Variants in SOX30 observed in about 807,000 individuals in gnomAD.
The protein encoded by SOX30 is transcription factor SOX-30.
SOX30 carries 17 observed loss-of-function variants against 58.6 expected under a neutral mutation model. The observed-to-expected ratio is 0.29, with a 90% CI of 0.20 to 0.44. The LOEUF is 0.44. Among genes scored for constraint, SOX30 ranks in the 20% least tolerant of loss-of-function variants. The pLI is 1.00. For synonymous variants in SOX30, 421 were observed against 400.2 expected, an observed-to-expected ratio of 1.05 and a Z score of -0.62; for missense variants, 951 against 965.8, an observed-to-expected ratio of 0.98 and a Z score of 0.20.
intron 4 of SOX30, among the ~76,000 whole-genome samples, chr5:157,633,216 GT>G (rs925378029): frequency 6.6e-6 from 1 of 152,090 alleles, no homozygotes; most frequent in African/African-American, 2.4e-5. Context: ...CAAGTTTAGG[GT>G]TTTTTCTGTT....
chr5:157,645,402 A>C (rs1187202319), intron 3 of SOX30, among the ~76,000 whole-genome samples: 1 of 152,180 alleles, frequency 6.6e-6, no homozygotes, highest in Non-Finnish European at 1.5e-5. Flanking sequence ...GGTGGTTCAC[A>C]CTTATAATCC....
At chr5:157,665,622 A>T (rs540058102) in intron 2 of SOX30, among the ~76,000 whole-genome samples, 84 of 148,152 alleles carry the variant, frequency 5.7e-4, no homozygotes, top group African/African-American at 1.8e-3. Flanking sequence ...AAATAAAATA[A>T]ATATATATTT....
At chr5:157,669,645 T>A (rs1759739097) in intron 1 of SOX30, among the ~76,000 whole-genome samples, 1 of 152,034 alleles carries the variant, frequency 6.6e-6, no homozygotes, top group Non-Finnish European at 1.5e-5. Flanking sequence ...GCCTCCCTAG[T>A]GGCTGGCATT....
intron 4 of SOX30, among the ~76,000 whole-genome samples, chr5:157,629,496 G>T (rs1443318805): frequency 1.3e-5 from 2 of 152,176 alleles, no homozygotes; most frequent in African/African-American, 4.8e-5. Context: ...GTGTGGTAAA[G>T]ACGAGTTCGT....
exon 1 of SOX30, chr5:157,671,420 G>T (rs993675141): frequency 4.7e-5 from 27 of 579,342 alleles, no homozygotes; most frequent in African/African-American, 2.1e-4. Context: ...TACCGCGTCC[G>T]TGGCCGCCGG....
At chr5:157,668,570 G>GTCCA (rs988314625) in intron 1 of SOX30, among the ~76,000 whole-genome samples, 41 of 151,212 alleles carry the variant, frequency 2.7e-4, no homozygotes, top group African/African-American at 6.3e-4. Context: ...TCATCCATCC[G>GTCCA]TCCATCCATC....
chr5:157,630,565 C>T (rs568704072), intron 4 of SOX30, among the ~76,000 whole-genome samples: 88 of 151,938 alleles, frequency 5.8e-4, no homozygotes, highest in East Asian at 1.4e-3. Context: ...ATTAGCTTAG[C>T]GGTCAGAAAT....
upstream of SOX30, among the ~76,000 whole-genome samples, chr5:157,655,446 G>A (rs1561588467): frequency 6.6e-6 from 1 of 152,168 alleles, no homozygotes; most frequent in Admixed American, 6.5e-5. Flanking sequence ...AGTCCCCTTT[G>A]GCTAAGAACA....
chr5:157,660,026 T>C (rs765943684), intron 2 of SOX30, among the ~76,000 whole-genome samples: 2 of 152,238 alleles, frequency 1.3e-5, no homozygotes, highest in Non-Finnish European at 2.9e-5. Context: ...TCTATGTTAA[T>C]GCTGGTCAGC....
chr5:157,629,574 CAAA>C (rs1758739872), intron 4 of SOX30, among the ~76,000 whole-genome samples: 1 of 151,896 alleles, frequency 6.6e-6, no homozygotes, highest in African/African-American at 2.4e-5. Context: ...TGAGTGAAAG[CAAA>C]AAACTATAAA....
chr5:157,663,708 T>A (rs1251065872), intron 2 of SOX30, among the ~76,000 whole-genome samples: 1 of 152,140 alleles, frequency 6.6e-6, no homozygotes, highest in East Asian at 1.9e-4. Flanking sequence ...AAAACCCCAT[T>A]GTCTCAGCCC....
chr5:157,652,987 TC>T (rs1237099976), upstream of SOX30, among the ~76,000 whole-genome samples: 1 of 152,164 alleles, frequency 6.6e-6, no homozygotes, highest in Non-Finnish European at 1.5e-5. Flanking sequence ...GCCTTAAAAA[TC>T]CCCCAGTGGC....
intron 4 of SOX30, among the ~76,000 whole-genome samples, chr5:157,632,054 A>T (rs1182337122): frequency 8.4e-6 from 1 of 119,760 alleles, no homozygotes; most frequent in Non-Finnish European, 1.8e-5. Context: ...AACTAAAAAA[A>T]AAAAAAAAAA....
chr5:157,668,633 C>G (rs1387395056), intron 1 of SOX30, among the ~76,000 whole-genome samples: 1 of 152,182 alleles, frequency 6.6e-6, no homozygotes, highest in African/African-American at 2.4e-5. Context: ...ACAATCAGAA[C>G]ATAAAGGTGG....
At chr5:157,641,912 G>A (rs1002401148) in intron 3 of SOX30, among the ~76,000 whole-genome samples, 4 of 152,118 alleles carry the variant, frequency 2.6e-5, no homozygotes, top group Admixed American at 1.3e-4. Flanking sequence ...GCCAGATTTC[G>A]AATATATTTA....
Position 157,646,811 on chromosome 5 carries a change from C to T in SOX30, c.1213G>A (p.Val405Ile), listed in dbSNP as rs761305589. 1 of 1,612,956 alleles carries T rather than the reference C, an allele frequency of 6.2e-7. No homozygotes were observed. Among genetic ancestry groups the T allele is most frequent in the Admixed American group, 1.7e-5 (1 of 59,966 alleles). The change falls in exon 3 of 5, where the codon GTT (valine) becomes ATT (isoleucine). Residue 405 changes from valine to isoleucine, a missense_variant. Val to Ile is a conservative substitution (Grantham distance 29, BLOSUM62 3). Transcript: ENST00000265007. ...CGCTTCCCTGGACGAGGCTGATAAA[C>T]CCAACCTATAGAAGACAAAATATGT... ...EKHREEFPGW[V>I]YQPRPGKRKR... is the part of the protein sequence containing the mutation.
intron 2 of SOX30, among the ~76,000 whole-genome samples, chr5:157,659,738 C>T (rs993409224): frequency 1.1e-4 from 17 of 152,172 alleles, no homozygotes; most frequent in African/African-American, 3.6e-4. Context: ...AGACATAGGA[C>T]ATCATTCAAT....
chr5:157,661,897 T>A (rs1420046928), intron 2 of SOX30, among the ~76,000 whole-genome samples: 1 of 152,210 alleles, frequency 6.6e-6, no homozygotes, highest in Admixed American at 6.5e-5. Context: ...CCCCTTCTAT[T>A]CTTGAAAAGA....
intron 2 of SOX30, among the ~76,000 whole-genome samples, chr5:157,665,365 G>GC (rs1759650224): frequency 6.6e-6 from 1 of 152,084 alleles, no homozygotes; most frequent in South Asian, 2.1e-4. Flanking sequence ...ACCAAACATC[G>GC]CATGTTTTCA....
Sources: gnomAD v4.1 joint callset for allele counts (sites outside exome capture counted in the v4.1 genomes callset) on GRCh38, gnomAD v4.1.1 for gene constraint, MANE v1.5 for transcripts, NCBI Gene and HGNC (gene_info 2026-07-23, HGNC 2026-07-21) for gene names.